ESR1: variants seen among roughly 807,000 people sequenced by gnomAD.
ESR1 encodes estrogen receptor 1, also known as estrogen receptor.
ESR1 carries 12 observed loss-of-function variants against 52.7 expected under a neutral mutation model. The observed-to-expected ratio is 0.23, with a 90% confidence interval of 0.15 to 0.37. The LOEUF (loss-of-function observed/expected upper bound fraction) is 0.37, where lower values mean the gene tolerates loss of function less well. Among genes scored for constraint, ESR1 ranks in the 10% least tolerant of loss-of-function variants. The pLI is 1.00. For synonymous variants in ESR1, 305 were observed against 316.8 expected (o/e 0.96, Z 0.39); for missense variants, 584 against 779.7 (o/e 0.75, Z 2.99).
chr6:151,950,421 G>A (rs1204883944), intron 4 of ESR1, among the ~76,000 whole-genome samples: 1 of 152,098 alleles, frequency 6.6e-6, no homozygotes, highest in Non-Finnish European at 1.5e-5. Flanking sequence ...GTGTGTTATG[G>A]GCTGAGTTGT....
chr6:151,773,478 T>C (rs1010376202), intron 2 of ESR1, among the ~76,000 whole-genome samples: 5 of 152,236 alleles, frequency 3.3e-5, no homozygotes, highest in African/African-American at 1.2e-4. Flanking sequence ...CTTGTCACAA[T>C]CTTCACTCAT....
At chr6:151,871,557 C>A (rs1411020097) in intron 2 of ESR1, among the ~76,000 whole-genome samples, 1 of 152,136 alleles carries the variant, frequency 6.6e-6, no homozygotes, top group Non-Finnish European at 1.5e-5. Context: ...GTGCCCACCA[C>A]CACACCCAGC....
At chr6:151,911,847 C>T (rs1415253328) in intron 3 of ESR1, among the ~76,000 whole-genome samples, 1 of 152,198 alleles carries the variant, frequency 6.6e-6, no homozygotes, top group African/African-American at 2.4e-5. Context: ...CGGCATTGAG[C>T]ACCATGGACA....
intron 2 of ESR1, among the ~76,000 whole-genome samples, chr6:151,868,730 C>A (rs1334075171): frequency 6.6e-6 from 1 of 151,944 alleles, no homozygotes; most frequent in African/African-American, 2.4e-5. Flanking sequence ...GGGTTGATTC[C>A]ATGTCTTTGC....
chr6:151,864,058 A>G (rs1395092172), intron 2 of ESR1, among the ~76,000 whole-genome samples: 1 of 152,184 alleles, frequency 6.6e-6, no homozygotes, highest in East Asian at 1.9e-4. Context: ...AAAATTGACA[A>G]ATGGGATCTA....
chr6:151,731,945 G>A (rs886393820), intron 2 of ESR1, among the ~76,000 whole-genome samples: 4 of 152,166 alleles, frequency 2.6e-5, no homozygotes, highest in African/African-American at 9.7e-5. Context: ...CTGTGAAGTA[G>A]AAGACAAGAA....
At chr6:152,047,810 C>T (rs980331852) in intron 5 of ESR1, among the ~76,000 whole-genome samples, 7 of 152,086 alleles carry the variant, frequency 4.6e-5, no homozygotes, top group African/African-American at 9.7e-5. Flanking sequence ...GCTCTGATGT[C>T]GCTTGGCCGG....
chr6:151,780,102 G>A (rs1003020149), intron 2 of ESR1, among the ~76,000 whole-genome samples: 3 of 151,838 alleles, frequency 2.0e-5, no homozygotes, highest in Non-Finnish European at 4.4e-5. Context: ...ATGAGTGGGT[G>A]AGTTCCACAA....
intron 2 of ESR1, among the ~76,000 whole-genome samples, chr6:151,730,558 A>G (rs1320947754): frequency 6.6e-6 from 1 of 151,918 alleles, no homozygotes; most frequent in Non-Finnish European, 1.5e-5. Context: ...CTCCTTTTTG[A>G]CAGTTCTTTC....
chr6:151,923,122 T>C (rs2032025444), intron 3 of ESR1, among the ~76,000 whole-genome samples: 1 of 152,232 alleles, frequency 6.6e-6, no homozygotes, highest in Non-Finnish European at 1.5e-5. Context: ...AGTGTTTATA[T>C]ACAGTTCCTT....
intron 1 of ESR1, among the ~76,000 whole-genome samples, chr6:151,681,210 C>T (rs912395090): frequency 2.0e-5 from 3 of 152,190 alleles, no homozygotes; most frequent in Non-Finnish European, 2.9e-5. Flanking sequence ...GTTTGCACAT[C>T]CCTGTGAATG....
At chr6:151,834,580 A>G (rs957134334) in intron 1 of ESR1, among the ~76,000 whole-genome samples, 1 of 152,196 alleles carries the variant, frequency 6.6e-6, no homozygotes, top group Non-Finnish European at 1.5e-5. Context: ...TGATAGCATT[A>G]GGAGAAATAC....
upstream of ESR1, among the ~76,000 whole-genome samples, chr6:151,803,810 T>A (rs1380636117): frequency 1.3e-5 from 2 of 152,098 alleles, no homozygotes; most frequent in Non-Finnish European, 1.5e-5. Context: ...AAATCAGCCC[T>A]CGAAGAAGAC....
At chr6:151,987,780 G>T (rs1217089768) in intron 4 of ESR1, among the ~76,000 whole-genome samples, 1 of 152,008 alleles carries the variant, frequency 6.6e-6, no homozygotes, top group Non-Finnish European at 1.5e-5. Flanking sequence ...TTTCCTTTTT[G>T]TATGCTGTTA....
intron 2 of ESR1, among the ~76,000 whole-genome samples, chr6:151,797,823 C>T (rs749772894): frequency 2.0e-5 from 3 of 152,152 alleles, no homozygotes; most frequent in African/African-American, 4.8e-5. Context: ...CTTTGCATGG[C>T]GCTATGTCCT....
At chr6:151,726,750 A>G (rs1781876919) in intron 2 of ESR1, among the ~76,000 whole-genome samples, 1 of 152,240 alleles carries the variant, frequency 6.6e-6, no homozygotes, top group African/African-American at 2.4e-5. Flanking sequence ...ATTAATTATA[A>G]TAATTTTATC....
At chr6:151,705,661 T>C (rs567463730) in intron 2 of ESR1, among the ~76,000 whole-genome samples, 49 of 152,208 alleles carry the variant, frequency 3.2e-4, no homozygotes, top group Non-Finnish European at 4.1e-4. Context: ...TTCTTACAGG[T>C]ACCTATCTGC....
downstream of ESR1, among the ~76,000 whole-genome samples, chr6:152,107,871 G>A (rs904791731): frequency 5.9e-5 from 9 of 152,080 alleles, no homozygotes; most frequent in African/African-American, 2.2e-4. Context: ...TATTATTCCT[G>A]TTTTTATTTT....
At chr6:152,026,745 A>G (rs796557228) in intron 5 of ESR1, among the ~76,000 whole-genome samples, 97 of 152,270 alleles carry the variant, frequency 6.4e-4, no homozygotes, top group East Asian at 2.7e-3. Flanking sequence ...TTTATAAAGC[A>G]TTCATTTTCT....
Sources: gnomAD v4.1 joint callset for allele counts (sites outside exome capture counted in the v4.1 genomes callset) on GRCh38, gnomAD v4.1.1 for gene constraint, MANE v1.5 for transcripts, NCBI Gene and HGNC (gene_info 2026-07-23, HGNC 2026-07-21) for gene names.